The following ELAC2 variants were observed in gnomAD, a reference collection of about 807,000 sequenced individuals.
ELAC2 encodes zinc phosphodiesterase ELAC protein 2.
Under a neutral mutation model 105.2 loss-of-function variants are expected in ELAC2, and 92 were observed. The observed-to-expected ratio is 0.87, with a 90% CI of 0.74 to 1.04. ELAC2 has a LOEUF of 1.04. Ranked by LOEUF, ELAC2 falls within the 50% of genes least tolerant of loss-of-function variation. The pLI is 0.00. For synonymous variants in ELAC2, 468 were observed against 409.1 expected (o/e 1.14, Z -1.74); for missense variants, 1,099 against 1,071.7 (o/e 1.03, Z -0.36).
At position 12,992,607 on chromosome 17, in the gene ELAC2, C is replaced by T; in HGVS notation, c.*211G>A. 1.7e-6 allele frequency: 1 copy of T among 601,762 alleles called. No homozygotes were observed. Among genetic ancestry groups the T allele is most frequent in the Non-Finnish European group, 2.9e-6 (1 of 341,586 alleles). 37.3% of individuals were successfully genotyped at this position (601,762 alleles called of 1,614,324 possible). Reference sequence around the variant, plus strand: ...TTGCTTCCGTGTGGCAGCCTCCTGGCCCGCGGCTGTGCCAGGCACCAGTCC... The same window carrying T: ...TTGCTTCCGTGTGGCAGCCTCCTGGTCCGCGGCTGTGCCAGGCACCAGTCC... On this transcript the variant is annotated 3_prime_UTR_variant, in exon 24 of 24. Transcript: ENST00000338034.
intron 14 of ELAC2, 41 bp downstream of exon 14, chr17:13,002,233 A>G: frequency 6.2e-7 from 1 of 1,608,312 alleles, no homozygotes; most frequent in Non-Finnish European, 8.5e-7. Flanking sequence ...ATGTTTCCCA[A>G]CTCGACTGAG....
chr17:12,998,435 G>C lies in ELAC2; in HGVS notation c.1497C>G (p.Val499=). 1 of 1,614,178 alleles carries C rather than the reference G, an allele frequency of 6.2e-7. No individual in the cohort carries two copies. The highest frequency in any genetic ancestry group is 8.5e-7 in the Non-Finnish European group (1 of 1,180,002). Residue 499 remains valine, a synonymous_variant, in exon 16 of 24, where the codon GTC becomes GTG. Transcript: ENST00000338034. The part of the protein sequence containing the change: ...GSAIPMKIRN[V]SATLVNISPD... ...ACCTTATGTTGACAAGTGTGGCACTGACATTTCGAATCTTCATCGGGATGG... is the reference window on the plus strand; with the variant it reads ...ACCTTATGTTGACAAGTGTGGCACTCACATTTCGAATCTTCATCGGGATGG...
At chr17:12,995,524 C>T (rs773193237) in intron 19 of ELAC2, among the ~76,000 whole-genome samples, 179 bp downstream of exon 19, 6 of 152,264 alleles carry the variant, frequency 3.9e-5, no homozygotes, top group Non-Finnish European at 8.8e-5. Context: ...TACATGGGAA[C>T]TATCTAATGG....
At chr17:13,015,008 T>C (rs2041641708) in intron 4 of ELAC2, among the ~76,000 whole-genome samples, 1 of 152,144 alleles carries the variant, frequency 6.6e-6, no homozygotes, top group Admixed American at 6.5e-5. Context: ...TGGGTACAGA[T>C]GGAAGTGTGG....
At chr17:13,017,197 T>C in intron 1 of ELAC2, 76 bp from the exon 2 acceptor site, 2 of 1,347,510 alleles carry the variant, frequency 1.5e-6, no homozygotes, top group Non-Finnish European at 2.1e-6. Flanking sequence ...AGATGTTTTA[T>C]TGTAGACTCT....
chr17:13,002,196 A>G, intron 14 of ELAC2, 78 bp downstream of exon 14: 1 of 1,490,882 alleles, frequency 6.7e-7, no homozygotes. Context: ...GCCTCCTGGA[A>G]CATTTACTAT....
At chr17:13,007,332 C>T (rs943491139) in intron 8 of ELAC2, among the ~76,000 whole-genome samples, 1 of 152,092 alleles carries the variant, frequency 6.6e-6, no homozygotes, top group Admixed American at 6.6e-5. Context: ...TCTTTTAACT[C>T]TCTGAAGTTA....
intron 7 of ELAC2, 110 bp downstream of exon 7, chr17:13,011,553 C>T: frequency 1.9e-6 from 3 of 1,560,792 alleles, no homozygotes; most frequent in South Asian, 1.1e-5. Flanking sequence ...GAAGAAGGAT[C>T]TGTTTACACA....
intron 1 of ELAC2, chr17:13,017,375 G>T: frequency 3.2e-6 from 2 of 627,466 alleles, no homozygotes; most frequent in East Asian, 2.7e-5. Context: ...CTACACACCA[G>T]ATCTGTCCAC....
At position 12,992,302 on chromosome 17, in the gene ELAC2, C is replaced by G. The variant is rs573611267; in HGVS notation, c.*516G>C. 1.3e-4 allele frequency: 31 copies of G among 242,650 alleles called. No individual in the cohort carries two copies. Among genetic ancestry groups the G allele is most frequent in the African/African-American group, 6.8e-4 (31 of 45,556 alleles). 15.0% of individuals were successfully genotyped at this position (242,650 alleles called of 1,614,324 possible). A position where few individuals can be genotyped will look rare whatever the true frequency, so the allele number is the denominator to read the frequency against. ...AGCCACCCGGGTACCAGGCAGCTGCCACACTACAGCACAGAGAGCCTTCTC... is the reference window on the plus strand; with the variant it reads ...AGCCACCCGGGTACCAGGCAGCTGCGACACTACAGCACAGAGAGCCTTCTC... On this transcript the variant is annotated 3_prime_UTR_variant, in exon 24 of 24. Transcript: ENST00000338034.
intron 16 of ELAC2, among the ~76,000 whole-genome samples, chr17:12,997,444 G>A (rs1357471306): frequency 3.3e-5 from 5 of 152,162 alleles, no homozygotes; most frequent in Non-Finnish European, 7.4e-5. Context: ...CCTTCTGGGG[G>A]AAAAAGGAGT....
intron 4 of ELAC2, 132 bp from the exon 5 acceptor site, chr17:13,014,628 A>G: frequency 1.3e-6 from 1 of 741,902 alleles, no homozygotes; most frequent in Non-Finnish European, 2.4e-6. Context: ...AACATCATTT[A>G]TTACAAATAT....
Position 13,005,056 on chromosome 17 carries a change from A to G in ELAC2, c.916T>C (p.Phe306Leu), listed in dbSNP as rs1364476250. ...TCATCTGGACATTCTACCACCACAA[A>G]AGCAGCACCAGGATCTGGAGGAGTA... The part of the protein sequence containing the change: ...LCTPPDPGAA[F>L]VVVECPDESF... Residue 306 changes from phenylalanine to leucine, a missense_variant, in exon 11 of 24, where the codon TTT becomes CTT. Transcript: ENST00000338034. 3.1e-6 allele frequency: 5 copies of G among 1,614,074 alleles called. No individual in the cohort carries two copies. The highest frequency in any genetic ancestry group is 4.2e-6 in the Non-Finnish European group (5 of 1,180,046).
intron 2 of ELAC2, 29 bp from the exon 3 acceptor site, chr17:13,016,961 T>C: frequency 6.2e-7 from 1 of 1,613,538 alleles, no homozygotes; most frequent in Non-Finnish European, 8.5e-7. Flanking sequence ...TTAAACAGGA[T>C]AACATGAACA....
At position 12,996,544 on chromosome 17, in the gene ELAC2, C is replaced by A. The variant is rs374767852; in HGVS notation, c.1659+3G>T. ...CAGCTTTGTGGTCCAGCCCAACACT[C>A]ACCGTGTGGTGATCTGCGTGCAGGT... On this transcript the variant is annotated splice_donor_region_variant and intron_variant, in intron 17 of 23. Coordinates refer to ENST00000338034, the MANE Select transcript of ELAC2 (RefSeq NM_018127.7). The A allele has an allele frequency of 6.2e-7, 1 of 1,613,854 alleles. No homozygotes were observed. Among genetic ancestry groups the A allele is most frequent in the African/African-American group, 1.3e-5 (1 of 75,066 alleles).
chr17:13,006,781 T>C (rs890298358), intron 8 of ELAC2, among the ~76,000 whole-genome samples: 8 of 152,160 alleles, frequency 5.3e-5, no homozygotes, highest in African/African-American at 1.9e-4. Flanking sequence ...TTCAATTATG[T>C]GGCAATATAA....
At chr17:13,009,272 C>A (rs939572227) in intron 8 of ELAC2, among the ~76,000 whole-genome samples, 20 of 152,082 alleles carry the variant, frequency 1.3e-4, no homozygotes, top group African/African-American at 4.8e-4. Context: ...TCACTTGTAG[C>A]TTTTAGAATT....
Position 13,005,077 on chromosome 17 carries a change from G to T in ELAC2, c.895C>A (p.Pro299Thr), listed in dbSNP as rs771897223. 28 of 1,614,054 alleles carry T rather than the reference G, an allele frequency of 1.7e-5. No homozygotes were observed. The highest frequency in any genetic ancestry group is 2.3e-5 in the Non-Finnish European group (27 of 1,180,018). ...REILAEELCT[P>T]PDPGAAFVVV... ...ACAAAAGCAGCACCAGGATCTGGAGGAGTACACAGCTCTTCAGCCAAAATC... is the reference window on the plus strand; with the variant it reads ...ACAAAAGCAGCACCAGGATCTGGAGTAGTACACAGCTCTTCAGCCAAAATC... Residue 299 changes from proline (P) to threonine (T), a missense_variant, in exon 11 of 24, where the codon CCT (proline) becomes ACT (threonine). By Grantham distance (38) the Pro-to-Thr change is conservative. Coordinates refer to ENST00000338034, the MANE Select transcript of ELAC2 (RefSeq NM_018127.7).
At position 12,993,768 on chromosome 17, in the gene ELAC2, G is replaced by A; in HGVS notation, c.2172C>T (p.His724=). The change falls in exon 23 of 24, where the codon CAC becomes CAT. Residue 724 remains histidine, a synonymous_variant. Transcript: ENST00000338034. ...GGACCTTGGCATAGCGCTGGCTGAA[G>A]TGGTTCAGCATAATGAACTCCGCGT... ...RMNAEFIMLN[H]FSQRYAKVPL... is the part of the protein sequence containing the mutation. 1 of 1,614,198 alleles carries A rather than the reference G, an allele frequency of 6.2e-7. No homozygotes were observed. The highest frequency in any genetic ancestry group is 8.5e-7 in the Non-Finnish European group (1 of 1,180,040).
Sources: gnomAD v4.1 joint callset for allele counts (sites outside exome capture counted in the v4.1 genomes callset) on GRCh38, gnomAD v4.1.1 for gene constraint, MANE v1.5 for transcripts, NCBI Gene and HGNC (gene_info 2026-07-23, HGNC 2026-07-21) for gene names.